The following GRB10 variants were observed in gnomAD, a reference collection of about 807,000 sequenced individuals.
GRB10 encodes growth factor receptor bound protein 10, also known as growth factor receptor-bound protein 10.
A neutral mutation model predicts 80.9 loss-of-function variants in GRB10; 20 were observed. That is an observed-to-expected ratio of 0.25 (90% confidence interval 0.17 to 0.36). GRB10 has a LOEUF of 0.36. Among genes scored for constraint, GRB10 ranks in the 10% least tolerant of loss-of-function variants. The probability of loss-of-function intolerance (pLI) is 1.00; values close to 1 mark genes in which losing one functional copy is unlikely to be tolerated. For missense variants in GRB10, 548 were observed against 747.7 expected (o/e 0.73, Z 3.12); for synonymous variants, 291 against 291.5 (o/e 1.00, Z 0.02).
intron 7 of GRB10, among the ~76,000 whole-genome samples, chr7:50,641,458 T>G (rs149383247): frequency 2.0e-4 from 30 of 152,278 alleles, no homozygotes; most frequent in Admixed American, 8.5e-4. Context: ...CTAAAAGCCC[T>G]GGCACTAGTG....
chr7:50,593,444 C>T (rs774071960), intron 18 of GRB10, among the ~76,000 whole-genome samples: 2 of 152,150 alleles, frequency 1.3e-5, no homozygotes, highest in Non-Finnish European at 2.9e-5. Flanking sequence ...TAAGTACCCA[C>T]TGCACACAGC....
chr7:50,647,770 A>G (rs1216065221), intron 7 of GRB10, among the ~76,000 whole-genome samples: 1 of 152,194 alleles, frequency 6.6e-6, no homozygotes, highest in Admixed American at 6.5e-5. Context: ...CAAGGAAAGT[A>G]AAGCCCAGGC....
Position 50,590,843 on chromosome 7 carries a change from ACT to A in GRB10, c.*2107_*2108del. The A allele has an allele frequency of 6.6e-6, 1 of 152,200 alleles. No homozygotes were observed. Among genetic ancestry groups the A allele is most frequent in the Non-Finnish European group, 1.5e-5 (1 of 68,036 alleles). The allele number at this position is 152,200 out of a possible 1,614,324, so 9.4% of individuals were successfully genotyped here. A position where few individuals can be genotyped will look rare whatever the true frequency, so the allele number is the denominator to read the frequency against. ...CTACGTCAAACCAGCTACATACAAA[ACT>A]GTGAATCAGAGTCAAGCTTTTGTTC... On this transcript the variant is annotated 3_prime_UTR_variant, in exon 19 of 19. Transcript: ENST00000401949.
At chr7:50,600,316 T>C (rs1453414256) in intron 17 of GRB10, among the ~76,000 whole-genome samples, 2 of 152,212 alleles carry the variant, frequency 1.3e-5, no homozygotes, top group East Asian at 3.9e-4. Context: ...CATACTGTTT[T>C]ACAGTTAGAG....
chr7:50,754,468 A>G (rs1362938511), intron 3 of GRB10, among the ~76,000 whole-genome samples: 4 of 152,098 alleles, frequency 2.6e-5, no homozygotes, highest in South Asian at 2.1e-4. Flanking sequence ...CCAGGGCGGG[A>G]GCTGCAGGAG....
chr7:50,686,373 A>T (rs1328704862), intron 5 of GRB10, among the ~76,000 whole-genome samples: 2 of 152,208 alleles, frequency 1.3e-5, no homozygotes, highest in African/African-American at 2.4e-5. Flanking sequence ...TGGGAGAAAT[A>T]AATTTATGTT....
At chr7:50,628,064 C>A (rs2153593014) in intron 7 of GRB10, among the ~76,000 whole-genome samples, 1 of 152,320 alleles carries the variant, frequency 6.6e-6, no homozygotes, top group Non-Finnish European at 1.5e-5. Flanking sequence ...GGTGAGGACG[C>A]CAACCACAAC....
chr7:50,732,398 A>T, intron 3 of GRB10, 30 bp from the exon 4 acceptor site: 2 of 1,323,808 alleles, frequency 1.5e-6, no homozygotes, highest in Non-Finnish European at 2.2e-6. Flanking sequence ...TGAGAAGCCA[A>T]GCCAGAAAAA....
intron 4 of GRB10, among the ~76,000 whole-genome samples, chr7:50,709,993 A>G (rs2065647254): frequency 6.6e-6 from 1 of 152,122 alleles, no homozygotes; most frequent in Non-Finnish European, 1.5e-5. Context: ...TGCCTCTCAC[A>G]GCACTCGGCC....
chr7:50,722,953 C>T (rs777201434), intron 4 of GRB10, among the ~76,000 whole-genome samples: 11 of 152,242 alleles, frequency 7.2e-5, no homozygotes, highest in South Asian at 2.1e-4. Context: ...GCCACATTTA[C>T]GCCTTAGAAA....
chr7:50,750,837 C>T (rs1360358719), intron 3 of GRB10, among the ~76,000 whole-genome samples: 2 of 152,192 alleles, frequency 1.3e-5, no homozygotes, highest in Admixed American at 1.3e-4. Flanking sequence ...GCACTCATCT[C>T]CTGGGTCCCC....
chr7:50,598,490 G>A (rs939549575), intron 17 of GRB10, among the ~76,000 whole-genome samples: 2 of 152,208 alleles, frequency 1.3e-5, no homozygotes, highest in African/African-American at 4.8e-5. Context: ...AGAGCCCCTT[G>A]TGACAGGACC....
chr7:50,594,669 T>C (rs1031923424), intron 18 of GRB10, among the ~76,000 whole-genome samples: 2 of 152,208 alleles, frequency 1.3e-5, no homozygotes, highest in Non-Finnish European at 2.9e-5. Flanking sequence ...TTTTGTGTAT[T>C]GTATTCTCAA....
intron 7 of GRB10, among the ~76,000 whole-genome samples, chr7:50,627,891 T>TG (rs2053240547): frequency 6.6e-6 from 1 of 152,160 alleles, no homozygotes; most frequent in South Asian, 2.1e-4. Context: ...GCGTGTGCCC[T>TG]GGGGGGCAGG....
At chr7:50,681,215 G>A (rs908523386) in intron 5 of GRB10, among the ~76,000 whole-genome samples, 26 of 152,214 alleles carry the variant, frequency 1.7e-4, no homozygotes, top group Non-Finnish European at 3.2e-4. Flanking sequence ...AGCAGGCACA[G>A]CTCATGAGCT....
intron 4 of GRB10, among the ~76,000 whole-genome samples, chr7:50,718,782 C>G (rs2067268111): frequency 6.6e-6 from 1 of 152,174 alleles, no homozygotes; most frequent in African/African-American, 2.4e-5. Context: ...TTGCCATTCA[C>G]AGCTCTCAGG....
At chr7:50,712,848 T>A (rs1231527005) in intron 4 of GRB10, among the ~76,000 whole-genome samples, 3 of 152,250 alleles carry the variant, frequency 2.0e-5, no homozygotes, top group South Asian at 2.1e-4. Context: ...TTACATAACA[T>A]AAATTTCATC....
chr7:50,692,592 C>A (rs186620983), intron 5 of GRB10, among the ~76,000 whole-genome samples: 2 of 152,170 alleles, frequency 1.3e-5, no homozygotes, highest in East Asian at 3.9e-4. Flanking sequence ...GGGCTCAGGA[C>A]CTTTCTGGAG....
intron 7 of GRB10, among the ~76,000 whole-genome samples, chr7:50,636,181 G>A (rs2054991760): frequency 6.6e-6 from 1 of 151,960 alleles, no homozygotes; most frequent in Admixed American, 6.5e-5. Context: ...GTTTTGCCAT[G>A]TTGGCCAGGC....
Sources: gnomAD v4.1 joint callset for allele counts (sites outside exome capture counted in the v4.1 genomes callset) on GRCh38, gnomAD v4.1.1 for gene constraint, MANE v1.5 for transcripts, NCBI Gene and HGNC (gene_info 2026-07-23, HGNC 2026-07-21) for gene names.